Variants in LCLAT1 observed in about 807,000 individuals in gnomAD.
LCLAT1 encodes 1-AGP acyltransferase 8.
LCLAT1 carries 11 observed loss-of-function variants against 30.7 expected under a neutral mutation model. The ratio of observed to expected loss-of-function variants is 0.36; its 90% CI spans 0.23 to 0.59. LCLAT1 has a LOEUF of 0.59. LCLAT1 is among the 20% of genes least tolerant of loss of function. The pLI, the probability that LCLAT1 is intolerant of heterozygous loss-of-function variation, is 0.77. For synonymous variants in LCLAT1, 155 were observed against 151.3 expected, an observed-to-expected ratio of 1.02 and a Z score of -0.18; for missense variants, 402 against 458.6, an observed-to-expected ratio of 0.88 and a Z score of 1.13.
intron 1 of LCLAT1, among the ~76,000 whole-genome samples, chr2:30,465,666 ACT>A (rs1296852970): frequency 6.6e-6 from 1 of 152,320 alleles, no homozygotes; most frequent in Admixed American, 6.5e-5. Flanking sequence ...CAGGCTAAAC[ACT>A]CTACCAAAAT....
chr2:30,611,152 T>G (rs573167843), intron 5 of LCLAT1, among the ~76,000 whole-genome samples: 3 of 152,094 alleles, frequency 2.0e-5, no homozygotes, highest in Admixed American at 6.6e-5. Flanking sequence ...TTTTGTCCAT[T>G]TTTTTTCTTT....
chr2:30,550,655 CTTAG>C (rs1664637938), intron 3 of LCLAT1, among the ~76,000 whole-genome samples: 2 of 152,120 alleles, frequency 1.3e-5, no homozygotes, highest in Admixed American at 6.5e-5. Context: ...ATCTTAATCA[CTTAG>C]TTAAGGTGGT....
chr2:30,471,370 TG>T (rs1682779853), intron 1 of LCLAT1, among the ~76,000 whole-genome samples: 1 of 151,984 alleles, frequency 6.6e-6, no homozygotes, highest in East Asian at 1.9e-4. Flanking sequence ...CCACCACACC[TG>T]ACTAGTTTTT....
chr2:30,557,035 T>C (rs1382361076), intron 3 of LCLAT1, among the ~76,000 whole-genome samples: 1 of 152,270 alleles, frequency 6.6e-6, no homozygotes, highest in South Asian at 2.1e-4. Flanking sequence ...TGAGCCACCA[T>C]GCCCGGCCTA....
intron 5 of LCLAT1, among the ~76,000 whole-genome samples, chr2:30,614,689 G>A (rs970045139): frequency 3.3e-5 from 5 of 152,182 alleles, no homozygotes; most frequent in Non-Finnish European, 7.4e-5. Flanking sequence ...TGTGAGTCTA[G>A]AAAGGAGAGA....
intron 5 of LCLAT1, among the ~76,000 whole-genome samples, chr2:30,588,170 G>A (rs891381420): frequency 6.6e-6 from 1 of 152,262 alleles, no homozygotes; most frequent in Non-Finnish European, 1.5e-5. Context: ...GCATGGCTCT[G>A]TGTGCTCCTG....
intron 1 of LCLAT1, among the ~76,000 whole-genome samples, chr2:30,461,431 T>A (rs1682121471): frequency 6.6e-6 from 1 of 152,066 alleles, no homozygotes; most frequent in Non-Finnish European, 1.5e-5. Flanking sequence ...TGGTGTTTTG[T>A]TTGTTTGTTT....
chr2:30,553,379 G>A (rs544888683), intron 3 of LCLAT1, among the ~76,000 whole-genome samples: 28 of 152,286 alleles, frequency 1.8e-4, no homozygotes, highest in Non-Finnish European at 3.5e-4. Context: ...TGCTGATAAC[G>A]TAAATGAGGT....
At chr2:30,553,739 C>T (rs113993787) in intron 3 of LCLAT1, among the ~76,000 whole-genome samples, 95 of 151,906 alleles carry the variant, frequency 6.3e-4, no homozygotes, top group African/African-American at 1.2e-3. Context: ...GGCGTGAACC[C>T]GGGAAGCGGA....
At chr2:30,570,776 T>C (rs1360773461) in intron 5 of LCLAT1, among the ~76,000 whole-genome samples, 1 of 152,204 alleles carries the variant, frequency 6.6e-6, no homozygotes, top group Non-Finnish European at 1.5e-5. Flanking sequence ...CACGGAGAGA[T>C]GGTAGTCACC....
At chr2:30,503,867 G>C (rs554998305) in intron 1 of LCLAT1, among the ~76,000 whole-genome samples, 3 of 152,146 alleles carry the variant, frequency 2.0e-5, no homozygotes, top group African/African-American at 7.2e-5. Context: ...ACTGAGCACT[G>C]TTCTCCCTCA....
In LCLAT1 at chr2:30,533,138, G is replaced by A; in HGVS notation, c.188G>A (p.Gly63Asp). 1 of 1,613,642 alleles carries A rather than the reference G, an allele frequency of 6.2e-7. No homozygotes were observed. Among genetic ancestry groups the A allele is most frequent in the Non-Finnish European group, 8.5e-7 (1 of 1,179,534 alleles). The change falls in exon 3 of 6, where the codon GGT (glycine) becomes GAT (aspartate). Residue 63 changes from glycine (G) to aspartate (D), a missense_variant. Gly to Asp is a moderately conservative substitution (Grantham distance 94). Coordinates refer to ENST00000379509, the MANE Select transcript of LCLAT1 (RefSeq NM_001002257.3). ...TAGGCATTATTGGAGACCATGTTTGGTGTAAAAGTGATTATAACTGGGGAT... is the reference window on the plus strand; with the variant it reads ...TAGGCATTATTGGAGACCATGTTTGATGTAAAAGTGATTATAACTGGGGAT... The part of the protein sequence containing the change: ...LPVALLETMF[G>D]VKVIITGDAF...
Position 30,640,156 on chromosome 2 carries a change from A to G in LCLAT1, c.668A>G (p.Tyr223Cys). ...LDAVHDITVA[Y>C]PHNIPQSEKH... ...GCTGTCCATGATATCACTGTGGCGTATCCTCACAACATTCCTCAATCAGAG... is the reference window on the plus strand; with the variant it reads ...GCTGTCCATGATATCACTGTGGCGTGTCCTCACAACATTCCTCAATCAGAG... The change falls in exon 6 of 6, where the codon TAT becomes TGT. Residue 223 changes from tyrosine (Y) to cysteine (C), a missense_variant. Physicochemically the swap from Tyr to Cys is radical, Grantham distance 194. Coordinates refer to ENST00000379509, the MANE Select transcript of LCLAT1 (RefSeq NM_001002257.3). 6.2e-7 allele frequency: 1 copy of G among 1,613,884 alleles called. No individual in the cohort carries two copies. The highest frequency in any genetic ancestry group is 8.5e-7 in the Non-Finnish European group (1 of 1,179,898).
At chr2:30,475,245 T>C (rs892084565) in intron 1 of LCLAT1, among the ~76,000 whole-genome samples, 3 of 152,174 alleles carry the variant, frequency 2.0e-5, no homozygotes, top group Non-Finnish European at 4.4e-5. Flanking sequence ...GTGATACTTC[T>C]GTCTCAGACT....
At chr2:30,577,348 G>A (rs1199171000) in intron 5 of LCLAT1, among the ~76,000 whole-genome samples, 1 of 152,066 alleles carries the variant, frequency 6.6e-6, no homozygotes, top group East Asian at 1.9e-4. Context: ...TAAAGCTTAA[G>A]TGTTCTCAGT....
chr2:30,483,007 A>G (rs766565062), intron 1 of LCLAT1, among the ~76,000 whole-genome samples: 1 of 152,214 alleles, frequency 6.6e-6, no homozygotes, highest in Non-Finnish European at 1.5e-5. Context: ...TGGTATTCTA[A>G]TGGAACCCTG....
intron 1 of LCLAT1, among the ~76,000 whole-genome samples, chr2:30,514,067 A>T (rs1411661193): frequency 6.6e-6 from 1 of 152,208 alleles, no homozygotes; most frequent in African/African-American, 2.4e-5. Context: ...ATTTTCTGAG[A>T]ATCTCCTTGG....
chr2:30,448,938 A>G (rs1172143856), intron 1 of LCLAT1, among the ~76,000 whole-genome samples: 1 of 152,246 alleles, frequency 6.6e-6, no homozygotes, highest in African/African-American at 2.4e-5. Flanking sequence ...AAGGGCTTTA[A>G]AAAGTTAAAA....
intron 3 of LCLAT1, among the ~76,000 whole-genome samples, chr2:30,534,621 T>C (rs1255614988): frequency 6.6e-6 from 1 of 152,188 alleles, no homozygotes; most frequent in East Asian, 1.9e-4. Flanking sequence ...TTTATCTTTC[T>C]CTTTGCCACT....
Sources: gnomAD v4.1 joint callset for allele counts (sites outside exome capture counted in the v4.1 genomes callset) on GRCh38, gnomAD v4.1.1 for gene constraint, MANE v1.5 for transcripts, NCBI Gene and HGNC (gene_info 2026-07-23, HGNC 2026-07-21) for gene names.